MKLN1: variants seen among roughly 807,000 people sequenced by gnomAD.
MKLN1 encodes the protein muskelin 1.
Under a neutral mutation model 99.0 loss-of-function variants are expected in MKLN1, and 18 were observed. The observed-to-expected ratio is 0.18, with a 90% CI of 0.13 to 0.27. The LOEUF is 0.27. MKLN1 is among the 10% of genes least tolerant of loss of function. MKLN1 has a pLI of 1.00. For synonymous variants in MKLN1, 288 were observed against 293.2 expected (o/e 0.98, Z 0.18); for missense variants, 621 against 875.9 (o/e 0.71, Z 3.67).
chr7:131,304,113 C>T (rs1798419393), intron 3 of MKLN1, among the ~76,000 whole-genome samples: 1 of 152,156 alleles, frequency 6.6e-6, no homozygotes, highest in Non-Finnish European at 1.5e-5. Flanking sequence ...GTGACTCATG[C>T]CAGTAATCCT....
rs754380892 is a variant in MKLN1, at chr7:131,411,296, A to T, written c.704-10A>T. ...AGGTGTAATTCTTTCTCATTCTTCA[A>T]TATTTGCAGATGGCTTGTTCAATCA... On this transcript the variant is annotated splice_polypyrimidine_tract_variant and intron_variant, in intron 6 of 17. Transcript: ENST00000352689. 5 of 1,564,894 alleles carry T rather than the reference A, an allele frequency of 3.2e-6. No homozygotes were observed. In the East Asian group the frequency reaches 9.0e-5, roughly 28 times the overall value.
intron 4 of MKLN1, among the ~76,000 whole-genome samples, chr7:131,390,969 T>G (rs1720146074): frequency 6.6e-6 from 1 of 152,156 alleles, no homozygotes; most frequent in South Asian, 2.1e-4. Context: ...GATATTAATA[T>G]ATAGATAACT....
rs1012111397 is a variant in MKLN1 at position 131,487,798 on chromosome 7, T to C, written c.*70T>C. ...TCCGTCTTTTGGATTGCAGCTCCAC[T>C]GACTGACAGTAAAGCTGCAGTGATT... On this transcript the variant is annotated 3_prime_UTR_variant, in exon 18 of 18. Transcript: ENST00000352689. The surrounding 1 kb of genome is among the most constrained non-coding windows in gnomAD (Gnocchi z 4.7). The C allele has an allele frequency of 5.2e-6, 8 of 1,550,158 alleles. No homozygotes were observed. The Admixed American group carries it at 7.1e-5, about 14-fold the overall frequency.
At chr7:131,375,383 A>G (rs1252514688) in intron 1 of MKLN1, 41 bp from the exon 2 acceptor site, 3 of 1,286,976 alleles carry the variant, frequency 2.3e-6, no homozygotes, top group African/African-American at 2.9e-5. Flanking sequence ...GTTTTTGCCT[A>G]TTCATGTTCT....
At chr7:131,275,561 ATATATATTTTT>A (rs1231551268) in intron 3 of MKLN1, among the ~76,000 whole-genome samples, 1 of 12,508 alleles carries the variant, frequency 8.0e-5, no homozygotes, top group African/African-American at 4.7e-4. Context: ...ATATATATAT[ATATATATTTTT>A]TTTTTTTTTT....
At chr7:131,135,234 C>T (rs1795630326) in intron 1 of MKLN1, among the ~76,000 whole-genome samples, 2 of 152,162 alleles carry the variant, frequency 1.3e-5, no homozygotes, top group South Asian at 2.1e-4. Flanking sequence ...GTGATTCTTC[C>T]GCCTCAGCCT....
intron 3 of MKLN1, among the ~76,000 whole-genome samples, chr7:131,224,544 C>CA (rs543365690): frequency 2.6e-5 from 4 of 151,656 alleles, no homozygotes; most frequent in Admixed American, 2.6e-4. Flanking sequence ...GACTCCTTCT[C>CA]AAAAAATAAT....
chr7:131,301,403 A>C (rs1798375110), intron 3 of MKLN1, among the ~76,000 whole-genome samples: 1 of 152,186 alleles, frequency 6.6e-6, no homozygotes, highest in Non-Finnish European at 1.5e-5. Flanking sequence ...GAAGAAAGAG[A>C]TCCTCTTGAG....
At chr7:131,393,313 T>A (rs1794260698) in intron 4 of MKLN1, among the ~76,000 whole-genome samples, 1 of 152,224 alleles carries the variant, frequency 6.6e-6, no homozygotes, top group Non-Finnish European at 1.5e-5. Context: ...TTTAGATTTC[T>A]TAGTGTTCTA....
intron 3 of MKLN1, among the ~76,000 whole-genome samples, chr7:131,316,174 G>A (rs1584593552): frequency 6.6e-6 from 1 of 152,306 alleles, no homozygotes; most frequent in South Asian, 2.1e-4. Flanking sequence ...CCTCCCAACA[G>A]GGGTTGACAG....
chr7:131,203,612 T>G (rs1413552183), intron 3 of MKLN1, among the ~76,000 whole-genome samples: 1 of 152,266 alleles, frequency 6.6e-6, no homozygotes, highest in Non-Finnish European at 1.5e-5. Flanking sequence ...TGATCTTCAG[T>G]GGCCAAGTCA....
chr7:131,413,255 A>G (rs949672253), intron 7 of MKLN1, among the ~76,000 whole-genome samples: 17 of 152,320 alleles, frequency 1.1e-4, no homozygotes, highest in South Asian at 2.1e-4. Flanking sequence ...GAACTTCTGG[A>G]TGATTAGCCG....
chr7:131,478,775 G>A (rs752083523), intron 17 of MKLN1, 98 bp downstream of exon 17: 1 of 1,339,160 alleles, frequency 7.5e-7, no homozygotes, highest in East Asian at 2.3e-5. Context: ...AGATGTTTCA[G>A]TCAAATAGAT....
chr7:131,325,576 G>A (rs1798868323), upstream of MKLN1, among the ~76,000 whole-genome samples: 1 of 151,930 alleles, frequency 6.6e-6, no homozygotes, highest in Non-Finnish European at 1.5e-5. Context: ...GTCTGCCTGT[G>A]GTCCCACCTA....
At chr7:131,452,643 C>T (rs545737703) in intron 12 of MKLN1, among the ~76,000 whole-genome samples, 10 of 150,774 alleles carry the variant, frequency 6.6e-5, no homozygotes, top group East Asian at 5.9e-4. Context: ...CTCTGCCTCC[C>T]GGGTTCAAGC....
At chr7:131,387,324 G>T in intron 3 of MKLN1, 62 bp downstream of exon 3, 2 of 1,454,514 alleles carry the variant, frequency 1.4e-6, no homozygotes, top group South Asian at 2.7e-5. Flanking sequence ...TAGTCTTTTT[G>T]TAGCTAATCT....
At chr7:131,412,498 A>G (rs1442113183) in intron 7 of MKLN1, among the ~76,000 whole-genome samples, 1 of 152,258 alleles carries the variant, frequency 6.6e-6, no homozygotes, top group Non-Finnish European at 1.5e-5. Context: ...TTAGGTATTT[A>G]TATTGAACAT....
intron 2 of MKLN1, among the ~76,000 whole-genome samples, chr7:131,185,171 C>T (rs1796430626): frequency 6.6e-6 from 1 of 152,208 alleles, no homozygotes; most frequent in Admixed American, 6.5e-5. Context: ...ATATCACTCA[C>T]TTACATCAAG....
chr7:131,332,374 CTTCT>C (rs1193032877), intron 1 of MKLN1, among the ~76,000 whole-genome samples: 1 of 148,040 alleles, frequency 6.8e-6, no homozygotes, highest in Non-Finnish European at 1.5e-5. Context: ...ATATTCTTTT[CTTCT>C]TTGTCTCTAC....
Sources: gnomAD v4.1 joint callset for allele counts (sites outside exome capture counted in the v4.1 genomes callset) on GRCh38, gnomAD v4.1.1 for gene constraint, Gnocchi (gnomAD v3.1) non-coding constraint, MANE v1.5 for transcripts, NCBI Gene and HGNC (gene_info 2026-07-23, HGNC 2026-07-21) for gene names.